Variants in WDR33 observed in about 807,000 individuals in gnomAD.
WDR33 encodes pre-mRNA 3' end processing protein WDR33.
In WDR33, 47 loss-of-function variants were observed where a neutral mutation model predicts 164.9. That is an observed-to-expected ratio of 0.29 (90% CI 0.23 to 0.36). WDR33 has a LOEUF of 0.36. Ranked by LOEUF, WDR33 falls within the 10% of genes least tolerant of loss-of-function variation. The pLI, the probability that WDR33 is intolerant of heterozygous loss-of-function variation, is 1.00. For missense variants in WDR33, 1,137 were observed against 1,754.1 expected (o/e 0.65, Z 6.28); for synonymous variants, 505 against 589.0 (o/e 0.86, Z 2.06).
intron 1 of WDR33, among the ~76,000 whole-genome samples, chr2:127,793,849 G>A (rs1361106057): frequency 6.6e-6 from 1 of 151,500 alleles, no homozygotes; most frequent in Admixed American, 6.6e-5. Flanking sequence ...AAACTATATT[G>A]TTCGGGCAGG....
At chr2:127,743,430 C>T (rs564928171) in intron 7 of WDR33, among the ~76,000 whole-genome samples, 26 of 152,248 alleles carry the variant, frequency 1.7e-4, no homozygotes, top group African/African-American at 6.3e-4. Context: ...TTAACTACCA[C>T]AAGATTATCA....
At chr2:127,801,987 C>G (rs541071688) in intron 1 of WDR33, among the ~76,000 whole-genome samples, 21 of 149,598 alleles carry the variant, frequency 1.4e-4, no homozygotes, top group South Asian at 4.2e-4. Context: ...TCCAGACCAC[C>G]CTGGCCAACA....
intron 7 of WDR33, among the ~76,000 whole-genome samples, chr2:127,751,278 T>C (rs1011658489): frequency 1.3e-5 from 2 of 151,780 alleles, no homozygotes; most frequent in Non-Finnish European, 2.9e-5. Flanking sequence ...GGAGGATCAC[T>C]TGAGCCTGGC....
chr2:127,729,738 G>A (rs566260275), intron 7 of WDR33, among the ~76,000 whole-genome samples: 28 of 152,184 alleles, frequency 1.8e-4, no homozygotes, highest in African/African-American at 6.5e-4. Flanking sequence ...CTCGTGATCC[G>A]CCCACCTCGG....
At chr2:127,784,542 C>G (rs897405367) in intron 1 of WDR33, among the ~76,000 whole-genome samples, 3 of 152,078 alleles carry the variant, frequency 2.0e-5, no homozygotes, top group South Asian at 4.1e-4. Flanking sequence ...GACACCTCAC[C>G]TGGCCAATTT....
At position 127,725,093 on chromosome 2, in the gene WDR33, T is replaced by C; in HGVS notation, c.974A>G (p.Gln325Arg). 6.2e-7 allele frequency: 1 copy of C among 1,613,702 alleles called. No homozygotes were observed. The highest frequency in any genetic ancestry group is 8.5e-7 in the Non-Finnish European group (1 of 1,179,962). ...TTCTTTCTTATGACCTCGGAAGACT[T>C]GAAGCTCTTCTTTTAGGTTTCTGAT... ...FDIRNLKEEL[Q>R]VFRGHKKEAT... The change falls in exon 9 of 22, where the codon CAA (glutamine) becomes CGA (arginine). Residue 325 changes from glutamine to arginine, a missense_variant. Gln to Arg is a conservative substitution (Grantham distance 43). Transcript: ENST00000322313.
chr2:127,706,452 A>G lies in WDR33; in HGVS notation c.3882T>C (p.Phe1294=), dbSNP rs1028810459. The G allele has an allele frequency of 2.5e-6, 4 of 1,612,988 alleles. No homozygotes were observed. The highest frequency in any genetic ancestry group is 3.4e-6 in the Non-Finnish European group (4 of 1,179,562). The change falls in exon 22 of 22, where the codon TTT becomes TTC. Residue 1294 remains phenylalanine, a synonymous_variant. Transcript: ENST00000322313. This position sits in a 1 kb window ranked among gnomAD's most constrained non-coding sequence, Gnocchi z 5.1. ...HHDGYHRDEP[F]GGPPGSGTPS... is the part of the protein sequence containing the mutation. ...GGGTGCCACTGCCTGGAGGGCCCCC[A>G]AAAGGTTCATCTCTGTGGTATCCAT...
Position 127,702,244 on chromosome 2 carries a change from C to T in WDR33, c.*4079G>A. 8.5e-7 allele frequency: 1 copy of T among 1,173,794 alleles called. No homozygotes were observed. Among genetic ancestry groups the T allele is most frequent in the Non-Finnish European group, 1.1e-6 (1 of 940,540 alleles). 72.7% of individuals were successfully genotyped at this position (1,173,794 alleles called of 1,614,324 possible). On this transcript the variant is annotated 3_prime_UTR_variant, in exon 22 of 22. Coordinates refer to ENST00000322313, the MANE Select transcript of WDR33 (RefSeq NM_018383.5). Reference sequence around the variant, plus strand: ...GCCGTCGGAGACCGCGCCGGCCGAGCTGAGGACTGCACGCCGCTGTGCGGA... The same window carrying T: ...GCCGTCGGAGACCGCGCCGGCCGAGTTGAGGACTGCACGCCGCTGTGCGGA...
At chr2:127,810,975 C>G (rs781253381) in intron 1 of WDR33, 37 bp downstream of exon 1, 1 of 152,786 alleles carries the variant, frequency 6.5e-6, no homozygotes, top group Non-Finnish European at 1.5e-5. Flanking sequence ...CCGCTGCCTG[C>G]TGCAGGCGAG....
rs1344472503 is a variant in WDR33 at position 127,709,204 on chromosome 2, G to A, written c.3565+286C>T. 6.6e-6 allele frequency among the ~76,000 whole-genome samples: 1 copy of A among 152,182 alleles called. No homozygotes were observed. On this transcript the variant is annotated intron_variant, in intron 20 of 21. Coordinates refer to ENST00000322313, the MANE Select transcript of WDR33 (RefSeq NM_018383.5). This position sits in a 1 kb window ranked among gnomAD's most constrained non-coding sequence, Gnocchi z 5.0. ...GAATATTTACCATATTAGCAATTGA[G>A]ACTGGGGAAATTTTAATTCACTTAA...
intron 4 of WDR33, among the ~76,000 whole-genome samples, chr2:127,765,939 T>C (rs1200133064): frequency 2.6e-5 from 4 of 152,198 alleles, no homozygotes; most frequent in Admixed American, 6.5e-5. Flanking sequence ...TGGATACACA[T>C]AGATGTATAT....
Position 127,724,249 on chromosome 2 carries a change from C to T in WDR33, c.1196+84G>A. ...TAAGTTGGAATATAAATTACTATAT[C>T]AATCAACCAATAAAAATAAACACAT... On this transcript the variant is annotated intron_variant, in intron 11 of 21. Transcript: ENST00000322313. This position sits in a 1 kb window ranked among gnomAD's most constrained non-coding sequence, Gnocchi z 4.8. The T allele has an allele frequency of 1.9e-6, 2 of 1,039,038 alleles. No individual in the cohort carries two copies. The highest frequency in any genetic ancestry group is 2.8e-6 in the Non-Finnish European group (2 of 701,782). The allele number at this position is 1,039,038 out of a possible 1,614,324, so 64.4% of individuals were successfully genotyped here.
chr2:127,777,413 C>T (rs1375480377), intron 1 of WDR33, among the ~76,000 whole-genome samples: 1 of 152,198 alleles, frequency 6.6e-6, no homozygotes, highest in African/African-American at 2.4e-5. Flanking sequence ...TGCATCGCAT[C>T]CTTAGCCTTA....
chr2:127,730,075 G>C (rs1029711953), intron 7 of WDR33, among the ~76,000 whole-genome samples: 18 of 152,146 alleles, frequency 1.2e-4, no homozygotes, highest in African/African-American at 4.3e-4. Flanking sequence ...ACAAGGGAAA[G>C]AAGGAGACTT....
Position 127,701,821 on chromosome 2 carries a change from C to T in WDR33, c.*4502G>A, listed in dbSNP as rs1685893071. ...TGTTTCGGCCTAGCCGCGCTCTACG[C>T]ACCGGTGTTGCTGCTGCGCGCGCGC... On this transcript the variant is annotated 3_prime_UTR_variant, in exon 22 of 22. Transcript: ENST00000322313. 1 of 1,457,840 alleles carries T rather than the reference C, an allele frequency of 6.9e-7. No individual in the cohort carries two copies. The highest frequency in any genetic ancestry group is 9.0e-7 in the Non-Finnish European group (1 of 1,109,252). 90.3% of individuals were successfully genotyped at this position (1,457,840 alleles called of 1,614,324 possible). A position where few individuals can be genotyped will look rare whatever the true frequency, so the allele number is the denominator to read the frequency against.
chr2:127,718,393 T>C lies in WDR33; in HGVS notation c.2760+872A>G, dbSNP rs1183132130. ...TTCAGGGACAAAACTCAGTTATTCA[T>C]ACCCAAATAATGCCTCCAGACTAAG... On this transcript the variant is annotated intron_variant, in intron 16 of 21. Transcript: ENST00000322313. This position sits in a 1 kb window ranked among gnomAD's most constrained non-coding sequence, Gnocchi z 4.4. 2.6e-5 allele frequency among the ~76,000 whole-genome samples: 4 copies of C among 152,064 alleles called. No homozygotes were observed. Among genetic ancestry groups the C allele is most frequent in the Non-Finnish European group, 1.5e-5 (1 of 67,994 alleles).
At position 127,719,728 on chromosome 2, in the gene WDR33, C is replaced by T; in HGVS notation, c.2297G>A (p.Gly766Glu). 1 of 1,613,742 alleles carries T rather than the reference C, an allele frequency of 6.2e-7. No individual in the cohort carries two copies. ...HGIQGGPGSQ[G>E]IQGPVSQGPL... is the part of the protein sequence containing the mutation. ...TCCCTGAGACACAGGACCTTGGATC[C>T]CTTGAGACCCTGGTCCGCCTTGGAT... is the stretch of plus-strand genomic sequence containing the variant. Residue 766 changes from glycine (G) to glutamate (E), a missense_variant, in exon 16 of 22, where the codon GGG becomes GAG. This residue lies in a region of WDR33 where 867 missense variants were observed against 1,073.0 expected (regional missense o/e 0.81). Coordinates refer to ENST00000322313, the MANE Select transcript of WDR33 (RefSeq NM_018383.5). The surrounding 1 kb of genome is among the most constrained non-coding windows in gnomAD (Gnocchi z 6.5).
chr2:127,798,438 C>A (rs1689120629), intron 1 of WDR33, among the ~76,000 whole-genome samples: 1 of 148,462 alleles, frequency 6.7e-6, no homozygotes, highest in Non-Finnish European at 1.5e-5. Context: ...GACAATCATT[C>A]CCAAAGGAAC....
chr2:127,750,696 ATATATATATATATATATG>A lies in WDR33; in HGVS notation c.724+12348_724+12365del, dbSNP rs1387630655. ...AAAAAAAATATATATATATATATAT[ATATATATATATATATATG>A]TATGTATGCATACATATATATGTAT... is the stretch of plus-strand genomic sequence containing the variant. On this transcript the variant is annotated intron_variant, in intron 7 of 21. Transcript: ENST00000322313. Among the ~76,000 whole-genome samples, 369 of 61,774 alleles carry A rather than the reference ATATATATATATATATATG, an allele frequency of 6.0e-3. 7 individuals carry two copies. The highest frequency in any genetic ancestry group is 0.027 in the African/African-American group (320 of 11,842). 40.5% of individuals were successfully genotyped at this position (61,774 alleles called of 152,430 possible).
Sources: gnomAD v4.1 joint callset for allele counts (sites outside exome capture counted in the v4.1 genomes callset) on GRCh38, gnomAD v4.1.1 for gene constraint, gnomAD v4.1.1 regional missense constraint, Gnocchi (gnomAD v3.1) non-coding constraint, MANE v1.5 for transcripts, NCBI Gene and HGNC (gene_info 2026-07-23, HGNC 2026-07-21) for gene names.